KCNQ1OT1: variants seen among roughly 807,000 people sequenced by gnomAD.
The protein encoded by KCNQ1OT1 is KCNQ1 antisense RNA 2 (non-protein coding).
exon 1 of KCNQ1OT1, chr11:2,660,559 G>A (rs1849933229): frequency 2.5e-6 from 1 of 398,574 alleles, no homozygotes; most frequent in Admixed American, 4.4e-5. Context: ...AAGCAAAAGT[G>A]AGCAAAGGAC....
chr11:2,692,347 T>C (rs993488429), exon 1 of KCNQ1OT1: 1 of 398,980 alleles, frequency 2.5e-6, no homozygotes. Context: ...TTCTCTGTAC[T>C]GCAGGCATCT....
In KCNQ1OT1 at chr11:2,652,608, G is replaced by GA; in HGVS notation, n.47386dup. 5.0e-6 allele frequency: 2 copies of GA among 398,588 alleles called. No homozygotes were observed. Among genetic ancestry groups the GA allele is most frequent in the Admixed American group, 4.4e-5 (1 of 22,732 alleles). The allele number at this position is 398,588 out of a possible 1,614,324, so 24.7% of individuals were successfully genotyped here. A position where few individuals can be genotyped will look rare whatever the true frequency, so the allele number is the denominator to read the frequency against. ...CTCTTGCTGCCTGGAACCTTCCCCT[G>GA]AAAATGTGTCTTGGGAGACCTAGAC... On this transcript the variant is annotated non_coding_transcript_exon_variant, in exon 1 of 1. Transcript: ENST00000597346. The surrounding 1 kb of genome is among the most constrained non-coding windows in gnomAD (Gnocchi z 5.9).
chr11:2,619,545 T>C (rs1849128555), exon 1 of KCNQ1OT1: 2 of 398,612 alleles, frequency 5.0e-6, no homozygotes, highest in Non-Finnish European at 8.8e-6. Context: ...ATCTTTTTGA[T>C]GTATTGTTAA....
chr11:2,677,464 C>T lies in KCNQ1OT1; in HGVS notation n.22531G>A. 1 of 398,506 alleles carries T rather than the reference C, an allele frequency of 2.5e-6. No individual in the cohort carries two copies. The highest frequency in any genetic ancestry group is 4.4e-6 in the Non-Finnish European group (1 of 226,040). 24.7% of individuals were successfully genotyped at this position (398,506 alleles called of 1,614,324 possible). A position where few individuals can be genotyped will look rare whatever the true frequency, so the allele number is the denominator to read the frequency against. ...TGATGCAGGTGGCCTCTTGGTCAAG[C>T]AGTGAAACCATGCCATACTTCTACA... On this transcript the variant is annotated non_coding_transcript_exon_variant, in exon 1 of 1. Transcript: ENST00000597346. This position sits in a 1 kb window ranked among gnomAD's most constrained non-coding sequence, Gnocchi z 4.5.
In KCNQ1OT1 at chr11:2,683,960, CTT is replaced by C. The variant is rs560196106; in HGVS notation, n.16033_16034del. ...AGACAAAACCAGCTGACTGCTTTTA[CTT>C]TTTTTTTTTTTTCATTTAGAAGAAT... On this transcript the variant is annotated non_coding_transcript_exon_variant, in exon 1 of 1. Transcript: ENST00000597346. This position sits in a 1 kb window ranked among gnomAD's most constrained non-coding sequence, Gnocchi z 4.7. 9 of 382,914 alleles carry C rather than the reference CTT, an allele frequency of 2.4e-5. No individual in the cohort carries two copies. The highest frequency in any genetic ancestry group is 1.4e-4 in the South Asian group (1 of 7,392). 23.7% of individuals were successfully genotyped at this position (382,914 alleles called of 1,614,324 possible).
Position 2,651,317 on chromosome 11 carries a change from C to CT in KCNQ1OT1, n.48677dup, listed in dbSNP as rs1224121027. 2.5e-6 allele frequency: 1 copy of CT among 398,610 alleles called. No individual in the cohort carries two copies. Among genetic ancestry groups the CT allele is most frequent in the Non-Finnish European group, 4.4e-6 (1 of 226,108 alleles). The allele number at this position is 398,610 out of a possible 1,614,324, so 24.7% of individuals were successfully genotyped here. A position where few individuals can be genotyped will look rare whatever the true frequency, so the allele number is the denominator to read the frequency against. On this transcript the variant is annotated non_coding_transcript_exon_variant, in exon 1 of 1. Coordinates refer to ENST00000597346, the Ensembl canonical transcript of KCNQ1OT1. This position sits in a 1 kb window ranked among gnomAD's most constrained non-coding sequence, Gnocchi z 6.1. ...GGCAGCTGGGAAGCTGCACAGAACA[C>CT]TCCTCAGAGTTCTACAAGCGGCTGA...
chr11:2,616,908 T>G (rs2133798385), exon 1 of KCNQ1OT1: 1 of 398,214 alleles, frequency 2.5e-6, no homozygotes, highest in East Asian at 3.6e-5. Flanking sequence ...ATGGTATTGT[T>G]CAAGTCCTCT....
Position 2,664,108 on chromosome 11 carries a change from A to G in KCNQ1OT1, n.35887T>C. On this transcript the variant is annotated non_coding_transcript_exon_variant, in exon 1 of 1. Coordinates refer to ENST00000597346, the Ensembl canonical transcript of KCNQ1OT1. The surrounding 1 kb of genome is among the most constrained non-coding windows in gnomAD (Gnocchi z 5.1). Reference sequence around the variant, plus strand: ...GGTCAGAGACTCCAGTCATTACCCAACCAGGTCCCTGCCCTGTAACTTACC... The same window carrying G: ...GGTCAGAGACTCCAGTCATTACCCAGCCAGGTCCCTGCCCTGTAACTTACC... 1 of 398,578 alleles carries G rather than the reference A, an allele frequency of 2.5e-6. No homozygotes were observed. The highest frequency in any genetic ancestry group is 2.1e-5 in the African/African-American group (1 of 48,710). The allele number at this position is 398,578 out of a possible 1,614,324, so 24.7% of individuals were successfully genotyped here. A position where few individuals can be genotyped will look rare whatever the true frequency, so the allele number is the denominator to read the frequency against.
exon 1 of KCNQ1OT1, chr11:2,648,268 C>T: frequency 2.5e-6 from 1 of 398,532 alleles, no homozygotes; most frequent in Non-Finnish European, 4.4e-6. Flanking sequence ...ATCTCTATTT[C>T]ATTTAGATCT....
chr11:2,615,836 G>A (rs1849052532), exon 1 of KCNQ1OT1: 4 of 397,920 alleles, frequency 1.0e-5, no homozygotes, highest in Non-Finnish European at 1.8e-5. Flanking sequence ...TTTTCTTGTG[G>A]TATATTTGTC....
At chr11:2,665,467 T>C (rs2283181) in exon 1 of KCNQ1OT1, 5,091 of 396,402 alleles carry the variant, frequency 0.013, 158 homozygotes, top group East Asian at 0.08. Context: ...CGACAGTGGG[T>C]GGGGACGGTG....
In KCNQ1OT1 at chr11:2,626,673, T is replaced by C; in HGVS notation, n.73322A>G. 2.5e-6 allele frequency: 1 copy of C among 398,522 alleles called. No individual in the cohort carries two copies. The highest frequency in any genetic ancestry group is 4.4e-6 in the Non-Finnish European group (1 of 226,082). The allele number at this position is 398,522 out of a possible 1,614,324, so 24.7% of individuals were successfully genotyped here. On this transcript the variant is annotated non_coding_transcript_exon_variant, in exon 1 of 1. Coordinates refer to ENST00000597346, the Ensembl canonical transcript of KCNQ1OT1. This position sits in a 1 kb window ranked among gnomAD's most constrained non-coding sequence, Gnocchi z 4.0. ...CTTCTTGAGTAGCTGGGAATAGAAG[T>C]GTGTACCATTACACCTGGCCAATTA...
rs987793935 is a variant in KCNQ1OT1, at chr11:2,698,445, C to T, written n.1550G>A. ...TTCAAGCCTACTACCCAGACTGAGA[C>T]CTGCATCTGATCAACTCTCATCTCC... On this transcript the variant is annotated non_coding_transcript_exon_variant, in exon 1 of 1. Coordinates refer to ENST00000597346, the Ensembl canonical transcript of KCNQ1OT1. The surrounding 1 kb of genome is among the most constrained non-coding windows in gnomAD (Gnocchi z 5.1). 1.8e-4 allele frequency: 30 copies of T among 169,956 alleles called. No individual in the cohort carries two copies. Among genetic ancestry groups the T allele is most frequent in the African/African-American group, 1.4e-3 (26 of 18,094 alleles). The allele number at this position is 169,956 out of a possible 1,614,324, so 10.5% of individuals were successfully genotyped here.
In KCNQ1OT1 at chr11:2,642,773, T is replaced by C; in HGVS notation, n.57222A>G. On this transcript the variant is annotated non_coding_transcript_exon_variant, in exon 1 of 1. Coordinates refer to ENST00000597346, the Ensembl canonical transcript of KCNQ1OT1. This position sits in a 1 kb window ranked among gnomAD's most constrained non-coding sequence, Gnocchi z 4.3. ...TATCATTAGATTATTTAAGATCTTT[T>C]CTACCTTTTTTAATGGAGGCATTTA... 1 of 397,854 alleles carries C rather than the reference T, an allele frequency of 2.5e-6. No individual in the cohort carries two copies. The allele number at this position is 397,854 out of a possible 1,614,324, so 24.6% of individuals were successfully genotyped here.
chr11:2,699,665 G>T, exon 1 of KCNQ1OT1: 1 of 358,576 alleles, frequency 2.8e-6, no homozygotes, highest in South Asian at 1.3e-4. Flanking sequence ...AGAACCCCCG[G>T]GGAGAACCGC....
chr11:2,662,068 A>G lies in KCNQ1OT1; in HGVS notation n.37927T>C, dbSNP rs749196110. On this transcript the variant is annotated non_coding_transcript_exon_variant, in exon 1 of 1. Transcript: ENST00000597346. Reference sequence around the variant, plus strand: ...AGGGGAGACTCTGCTGACACCCATCACCCACATCTCACAGTGAGTGCCTAC... The same window carrying G: ...AGGGGAGACTCTGCTGACACCCATCGCCCACATCTCACAGTGAGTGCCTAC... 1 of 1,614,154 alleles carries G rather than the reference A, an allele frequency of 6.2e-7. No homozygotes were observed. Among genetic ancestry groups the G allele is most frequent in the South Asian group, 1.1e-5 (1 of 91,084 alleles).
At position 2,673,152 on chromosome 11, in the gene KCNQ1OT1, C is replaced by T. The variant is rs1310923451; in HGVS notation, n.26843G>A. 2.5e-6 allele frequency: 1 copy of T among 398,554 alleles called. No individual in the cohort carries two copies. The highest frequency in any genetic ancestry group is 2.1e-5 in the African/African-American group (1 of 48,598). 24.7% of individuals were successfully genotyped at this position (398,554 alleles called of 1,614,324 possible). A position where few individuals can be genotyped will look rare whatever the true frequency, so the allele number is the denominator to read the frequency against. On this transcript the variant is annotated non_coding_transcript_exon_variant, in exon 1 of 1. Transcript: ENST00000597346. The surrounding 1 kb of genome is among the most constrained non-coding windows in gnomAD (Gnocchi z 4.5). ...GGCAGGGGTGCTGACCATCCCTGACCCAAGCACGAGGATCAGAATGGGCCC... is the reference window on the plus strand; with the variant it reads ...GGCAGGGGTGCTGACCATCCCTGACTCAAGCACGAGGATCAGAATGGGCCC...
In KCNQ1OT1 at chr11:2,664,313, G is replaced by GGAAGA. The variant is rs1850023502; in HGVS notation, n.35677_35681dup. ...CCTTGAGGCATTGTGTTCTGGTCAG[G>GGAAGA]GAAGACTCAGGGCTGAGGCTTCAGG... On this transcript the variant is annotated non_coding_transcript_exon_variant, in exon 1 of 1. Transcript: ENST00000597346. This position sits in a 1 kb window ranked among gnomAD's most constrained non-coding sequence, Gnocchi z 5.1. 2.5e-6 allele frequency: 1 copy of GGAAGA among 398,872 alleles called. No individual in the cohort carries two copies. Among genetic ancestry groups the GGAAGA allele is most frequent in the African/African-American group, 2.1e-5 (1 of 48,642 alleles). The allele number at this position is 398,872 out of a possible 1,614,324, so 24.7% of individuals were successfully genotyped here. A position where few individuals can be genotyped will look rare whatever the true frequency, so the allele number is the denominator to read the frequency against.
chr11:2,673,188 G>A lies in KCNQ1OT1; in HGVS notation n.26807C>T. On this transcript the variant is annotated non_coding_transcript_exon_variant, in exon 1 of 1. Coordinates refer to ENST00000597346, the Ensembl canonical transcript of KCNQ1OT1. The surrounding 1 kb of genome is among the most constrained non-coding windows in gnomAD (Gnocchi z 4.5). Reference sequence around the variant, plus strand: ...GATCAGAATGGGCCCTGGAGCCAAGGCCAAAAGCCGAACTGTGACTAGGCA... The same window carrying A: ...GATCAGAATGGGCCCTGGAGCCAAGACCAAAAGCCGAACTGTGACTAGGCA... The A allele has an allele frequency of 2.5e-6, 1 of 398,726 alleles. No individual in the cohort carries two copies. Among genetic ancestry groups the A allele is most frequent in the Non-Finnish European group, 4.4e-6 (1 of 226,146 alleles). 24.7% of individuals were successfully genotyped at this position (398,726 alleles called of 1,614,324 possible).
Sources: gnomAD v4.1 joint callset for allele counts on GRCh38, gnomAD v4.1.1 for gene constraint, Gnocchi (gnomAD v3.1) non-coding constraint, MANE v1.5 for transcripts, NCBI Gene and HGNC (gene_info 2026-07-23, HGNC 2026-07-21) for gene names.